Variants in GABRA1 observed in about 807,000 individuals in gnomAD.
The protein encoded by GABRA1 is gamma-aminobutyric acid receptor subunit alpha-1.
A neutral mutation model predicts 48.9 loss-of-function variants in GABRA1; 9 were observed. The observed-to-expected ratio is 0.18, with a 90% CI of 0.11 to 0.32. The LOEUF is 0.32. GABRA1 is among the 10% of genes least tolerant of loss of function. The probability of loss-of-function intolerance (pLI) is 1.00; values close to 1 mark genes in which losing one functional copy is unlikely to be tolerated. For missense variants in GABRA1, 285 were observed against 553.8 expected, an observed-to-expected ratio of 0.51 and a Z score of 4.87; for synonymous variants, 210 against 198.7, an observed-to-expected ratio of 1.06 and a Z score of -0.48.
intron 3 of GABRA1, among the ~76,000 whole-genome samples, chr5:161,859,967 CGTTTTCTCT>C (rs1488639324): frequency 6.6e-6 from 1 of 151,626 alleles, no homozygotes; most frequent in African/African-American, 2.4e-5. Flanking sequence ...AATTTGCTGT[CGTTTTCTCT>C]GTGGCTTTTA....
chr5:161,848,685 C>T, intron 1 of GABRA1: 1 of 246,264 alleles, frequency 4.1e-6, no homozygotes, highest in Non-Finnish European at 8.1e-6. Context: ...TATTTTTTTC[C>T]CGCTGTCTTT....
At chr5:161,857,465 T>A (rs1312154717) in intron 3 of GABRA1, among the ~76,000 whole-genome samples, 1 of 151,558 alleles carries the variant, frequency 6.6e-6, no homozygotes, top group East Asian at 1.9e-4. Flanking sequence ...TATAACTTGG[T>A]TAATCTAGAT....
At chr5:161,895,897 A>G (rs1755343476) in intron 9 of GABRA1, 29 bp downstream of exon 9, 1 of 1,551,326 alleles carries the variant, frequency 6.4e-7, no homozygotes, top group Non-Finnish European at 8.9e-7. Context: ...ACTGTAGTAC[A>G]TCAATATTAT....
chr5:161,891,071 A>G, intron 8 of GABRA1, 21 bp downstream of exon 8: 1 of 1,611,834 alleles, frequency 6.2e-7, no homozygotes. Context: ...ATCAAGATAC[A>G]TACGCAAGGA....
chr5:161,872,037 T>C (rs770912176), intron 4 of GABRA1, among the ~76,000 whole-genome samples: 2 of 152,184 alleles, frequency 1.3e-5, no homozygotes, highest in African/African-American at 2.4e-5. Flanking sequence ...TTGTAGGTCC[T>C]AATAACGATA....
chr5:161,882,387 A>C (rs1285424553), intron 6 of GABRA1, 171 bp from the exon 7 acceptor site: 2 of 646,188 alleles, frequency 3.1e-6, no homozygotes, highest in Non-Finnish European at 5.3e-6. Context: ...TAAAAAAAAA[A>C]AATCAGAAAA....
chr5:161,886,764 G>A (rs1329543245), intron 7 of GABRA1, among the ~76,000 whole-genome samples: 4 of 152,018 alleles, frequency 2.6e-5, no homozygotes, highest in Admixed American at 1.3e-4. Context: ...GTGACAGAGT[G>A]AGACCCTGTC....
intron 3 of GABRA1, among the ~76,000 whole-genome samples, chr5:161,856,766 T>C (rs1757662193): frequency 1.3e-5 from 2 of 151,238 alleles, no homozygotes; most frequent in South Asian, 2.1e-4. Context: ...ATCAACATTT[T>C]AAAGTACATT....
rs148211567 is a variant in GABRA1 at position 161,888,829 on chromosome 5, T to C, written c.704-2069T>C. 1.7e-3 allele frequency among the ~76,000 whole-genome samples: 261 copies of C among 152,178 alleles called. 2 individuals carry two copies. Among genetic ancestry groups the C allele is most frequent in the African/African-American group, 6.1e-3 (254 of 41,562 alleles). On this transcript the variant is annotated intron_variant, in intron 7 of 9. Coordinates refer to ENST00000393943, the MANE Select transcript of GABRA1 (RefSeq NM_001127644.2). ...CACAGAAAATAATAAGAAATTAATCTGGTAACATTCCATTTGTCCTTTAAA... is the reference window on the plus strand; with the variant it reads ...CACAGAAAATAATAAGAAATTAATCCGGTAACATTCCATTTGTCCTTTAAA...
intron 3 of GABRA1, among the ~76,000 whole-genome samples, chr5:161,859,048 C>G (rs1398204149): frequency 6.6e-6 from 1 of 151,672 alleles, no homozygotes; most frequent in Non-Finnish European, 1.5e-5. Context: ...ACACATTTAA[C>G]AGATATTTAG....
At position 161,870,946 on chromosome 5, in the gene GABRA1, CTGTGTGTGTGTG is replaced by C. The variant is rs59726286; in HGVS notation, c.256-2132_256-2121del. 7.9e-3 allele frequency among the ~76,000 whole-genome samples: 1,118 copies of C among 141,510 alleles called. 20 individuals carry two copies. The highest frequency in any genetic ancestry group is 0.026 in the African/African-American group (933 of 36,526). The allele number at this position is 141,510 out of a possible 152,430, so 92.8% of individuals were successfully genotyped here. On this transcript the variant is annotated intron_variant, in intron 4 of 9. Coordinates refer to ENST00000393943, the MANE Select transcript of GABRA1 (RefSeq NM_001127644.2). The stretch of plus-strand genomic sequence containing the variant: ...TGAAGATTAACCAGCGAGTGTTGCT[CTGTGTGTGTGTG>C]TGTGTGTGTGTGTGTGTGTGTGTGT...
chr5:161,894,208 A>T (rs1258305740), intron 8 of GABRA1, among the ~76,000 whole-genome samples: 1 of 152,142 alleles, frequency 6.6e-6, no homozygotes, highest in African/African-American at 2.4e-5. Context: ...AAACTTATTA[A>T]ATCAACTTAC....
At chr5:161,875,402 T>C (rs1471713624) in intron 5 of GABRA1, among the ~76,000 whole-genome samples, 158 bp from the exon 6 acceptor site, 2 of 152,312 alleles carry the variant, frequency 1.3e-5, no homozygotes, top group South Asian at 2.1e-4. Context: ...ATTGTAAATA[T>C]GTATTTTTAG....
At chr5:161,849,300 A>G (rs947969418) in intron 1 of GABRA1, among the ~76,000 whole-genome samples, 1 of 152,208 alleles carries the variant, frequency 6.6e-6, no homozygotes, top group Non-Finnish European at 1.5e-5. Context: ...AAAAATTAAT[A>G]GGGCTAAGAA....
intron 7 of GABRA1, among the ~76,000 whole-genome samples, chr5:161,888,617 A>G (rs1259263186): frequency 6.6e-6 from 1 of 152,198 alleles, no homozygotes; most frequent in East Asian, 1.9e-4. Context: ...GACATTTTGC[A>G]GGCTGCAGTT....
intron 6 of GABRA1, among the ~76,000 whole-genome samples, chr5:161,880,112 A>G (rs1313245618): frequency 1.3e-5 from 2 of 152,174 alleles, no homozygotes; most frequent in African/African-American, 2.4e-5. Flanking sequence ...AGTCAAATGA[A>G]CGGCATCCTA....
intron 3 of GABRA1, among the ~76,000 whole-genome samples, chr5:161,862,142 A>G (rs1486061454): frequency 2.6e-5 from 4 of 151,824 alleles, no homozygotes; most frequent in Non-Finnish European, 5.9e-5. Context: ...TTCACACAGC[A>G]TCAGCTATCT....
At chr5:161,895,895 A>G in intron 9 of GABRA1, 27 bp downstream of exon 9, 1 of 1,563,358 alleles carries the variant, frequency 6.4e-7, no homozygotes, top group Non-Finnish European at 8.8e-7. Context: ...TCACTGTAGT[A>G]CATCAATATT....
chr5:161,878,560 C>T (rs1264781667), intron 6 of GABRA1, among the ~76,000 whole-genome samples: 3 of 152,134 alleles, frequency 2.0e-5, no homozygotes, highest in Non-Finnish European at 1.5e-5. Flanking sequence ...CAACCTTATC[C>T]ATATGGTGAT....
Sources: gnomAD v4.1 joint callset for allele counts (sites outside exome capture counted in the v4.1 genomes callset) on GRCh38, gnomAD v4.1.1 for gene constraint, MANE v1.5 for transcripts, NCBI Gene and HGNC (gene_info 2026-07-23, HGNC 2026-07-21) for gene names.